Variants in NKAIN2 observed in about 807,000 individuals in gnomAD.
NKAIN2 encodes the protein sodium/potassium transporting ATPase interacting 2, also known as sodium/potassium-transporting ATPase subunit beta-1-interacting protein 2.
NKAIN2 carries 14 observed loss-of-function variants against 32.6 expected under a neutral mutation model. The observed-to-expected ratio is 0.43, with a 90% CI of 0.28 to 0.67. The LOEUF is 0.67. Among genes scored for constraint, NKAIN2 ranks in the 30% least tolerant of loss-of-function variants. The probability of loss-of-function intolerance (pLI) is 0.17; values close to 1 mark genes in which losing one functional copy is unlikely to be tolerated. For missense variants in NKAIN2, 198 were observed against 258.3 expected (o/e 0.77, Z 1.60); for synonymous variants, 80 against 87.2 (o/e 0.92, Z 0.46).
intron 1 of NKAIN2, among the ~76,000 whole-genome samples, chr6:124,106,069 T>C (rs972905361): frequency 1.3e-5 from 2 of 152,232 alleles, no homozygotes; most frequent in Admixed American, 1.3e-4. Flanking sequence ...CACTATGTTA[T>C]GCCCAATACT....
chr6:124,629,828 C>T (rs963459170), intron 3 of NKAIN2, among the ~76,000 whole-genome samples: 1 of 152,172 alleles, frequency 6.6e-6, no homozygotes, highest in East Asian at 1.9e-4. Context: ...ATTAACTTGA[C>T]AAATGTCAAT....
chr6:124,455,847 C>G (rs1776300266), intron 3 of NKAIN2, among the ~76,000 whole-genome samples: 1 of 151,718 alleles, frequency 6.6e-6, no homozygotes, highest in Admixed American at 6.6e-5. Context: ...TAACAGGTGT[C>G]CCTTCAGCCT....
chr6:124,761,478 T>C (rs1778264163), intron 4 of NKAIN2, among the ~76,000 whole-genome samples: 1 of 152,176 alleles, frequency 6.6e-6, no homozygotes, highest in Non-Finnish European at 1.5e-5. Context: ...CCCTTATCAG[T>C]GGGCTTTCAC....
Position 124,168,327 on chromosome 6 carries a change from T to C in NKAIN2, c.55-114678T>C, listed in dbSNP as rs1788676053. Among the ~76,000 whole-genome samples, 3 of 152,102 alleles carry C rather than the reference T, an allele frequency of 2.0e-5. No individual in the cohort carries two copies. In the South Asian group the frequency reaches 6.2e-4, roughly 31 times the overall value. ...TCATACTTTAAGTTTCCAAAAATGA[T>C]TTGGTGTTTCTGGGAATTTTAGCTA... On this transcript the variant is annotated intron_variant, in intron 1 of 6. Coordinates refer to ENST00000368417, the MANE Select transcript of NKAIN2 (RefSeq NM_001040214.3).
chr6:124,088,295 G>T (rs1479885400), intron 1 of NKAIN2, among the ~76,000 whole-genome samples: 1 of 151,906 alleles, frequency 6.6e-6, no homozygotes, highest in Non-Finnish European at 1.5e-5. Flanking sequence ...GGTGGTGTAT[G>T]CCTGTATCCC....
At chr6:123,960,846 A>C (rs1777810544) in intron 1 of NKAIN2, among the ~76,000 whole-genome samples, 1 of 151,482 alleles carries the variant, frequency 6.6e-6, no homozygotes, top group African/African-American at 2.4e-5. Flanking sequence ...AGAGTAAGGG[A>C]GTGGGGGCTA....
At chr6:124,690,923 T>G (rs1426574915) in intron 4 of NKAIN2, among the ~76,000 whole-genome samples, 1 of 152,220 alleles carries the variant, frequency 6.6e-6, no homozygotes, top group Non-Finnish European at 1.5e-5. Context: ...ATTAAATATT[T>G]AGGATCTGTT....
At chr6:123,893,062 T>C (rs1774097428) in intron 1 of NKAIN2, among the ~76,000 whole-genome samples, 1 of 152,044 alleles carries the variant, frequency 6.6e-6, no homozygotes, top group Admixed American at 6.6e-5. Flanking sequence ...CAAATAATTG[T>C]TATATAAAAT....
chr6:124,780,505 A>T (rs145042528), intron 4 of NKAIN2, among the ~76,000 whole-genome samples: 81 of 152,332 alleles, frequency 5.3e-4, no homozygotes, highest in Middle Eastern at 3.4e-3. Context: ...ATTCAAAAAC[A>T]TAAAGATATC....
intron 1 of NKAIN2, among the ~76,000 whole-genome samples, chr6:124,082,078 G>T (rs78813381): frequency 3.1e-4 from 47 of 152,094 alleles, no homozygotes; most frequent in Middle Eastern, 6.8e-3. Context: ...AAAGAAACAG[G>T]TAAATAACCC....
intron 1 of NKAIN2, among the ~76,000 whole-genome samples, chr6:123,849,973 T>TTTTTTTTTG (rs1775259653): frequency 6.9e-6 from 1 of 145,462 alleles, no homozygotes; most frequent in African/African-American, 2.6e-5. Flanking sequence ...TTTGTTTGTT[T>TTTTTTTTTG]TTTTTTTAAC....
intron 1 of NKAIN2, among the ~76,000 whole-genome samples, chr6:124,121,020 T>A (rs1307388698): frequency 6.6e-6 from 1 of 152,126 alleles, no homozygotes; most frequent in Non-Finnish European, 1.5e-5. Context: ...TGTTCTATAT[T>A]TAAGGACAGT....
At chr6:124,506,543 A>G (rs899208977) in intron 3 of NKAIN2, among the ~76,000 whole-genome samples, 1 of 152,210 alleles carries the variant, frequency 6.6e-6, no homozygotes, top group African/African-American at 2.4e-5. Context: ...CCTCTCCCAG[A>G]CAGTAGAATT....
chr6:124,208,666 G>C (rs1282112652), intron 1 of NKAIN2, among the ~76,000 whole-genome samples: 1 of 151,104 alleles, frequency 6.6e-6, no homozygotes, highest in Non-Finnish European at 1.5e-5. Flanking sequence ...TACATAAACT[G>C]TAATCAAAAT....
chr6:124,724,650 G>A (rs1469964810), intron 4 of NKAIN2, among the ~76,000 whole-genome samples: 1 of 152,132 alleles, frequency 6.6e-6, no homozygotes, highest in East Asian at 1.9e-4. Context: ...CTTCAACATT[G>A]TTTCAAAGAT....
At chr6:124,652,205 ATC>A in intron 3 of NKAIN2, among the ~76,000 whole-genome samples, 1 of 152,322 alleles carries the variant, frequency 6.6e-6, no homozygotes, top group East Asian at 1.9e-4. Context: ...GCCACTTTAT[ATC>A]AAGGATGGCC....
intron 3 of NKAIN2, among the ~76,000 whole-genome samples, chr6:124,376,236 A>G (rs193065441): frequency 1.3e-5 from 2 of 152,314 alleles, no homozygotes; most frequent in East Asian, 1.9e-4. Context: ...ATGCAAAGAC[A>G]TAGAAAATGA....
intron 3 of NKAIN2, among the ~76,000 whole-genome samples, chr6:124,511,808 C>A (rs1778725357): frequency 6.6e-6 from 1 of 152,024 alleles, no homozygotes; most frequent in Admixed American, 6.6e-5. Flanking sequence ...TAAATCTTGC[C>A]CTCTTTTCAA....
rs114871950 is a variant in NKAIN2 at position 124,702,032 on chromosome 6, T to C, written c.474+43646T>C. The stretch of plus-strand genomic sequence containing the variant: ...TTGGACATGGCTACAGTTTGAACTA[T>C]TGGTATGTTCAAAACATTCCTCATG... On this transcript the variant is annotated intron_variant, in intron 4 of 6. Coordinates refer to ENST00000368417, the MANE Select transcript of NKAIN2 (RefSeq NM_001040214.3). 4.8e-3 allele frequency among the ~76,000 whole-genome samples: 723 copies of C among 152,190 alleles called. 4 individuals carry two copies. Among genetic ancestry groups the C allele is most frequent in the African/African-American group, 0.016 (670 of 41,544 alleles).
Sources: gnomAD v4.1 joint callset for allele counts (sites outside exome capture counted in the v4.1 genomes callset) on GRCh38, gnomAD v4.1.1 for gene constraint, MANE v1.5 for transcripts, NCBI Gene and HGNC (gene_info 2026-07-23, HGNC 2026-07-21) for gene names.